BUB1: variants seen among roughly 807,000 people sequenced by gnomAD.
BUB1 encodes the protein mitotic checkpoint serine/threonine-protein kinase BUB1.
Under a neutral mutation model 135.2 loss-of-function variants are expected in BUB1, and 84 were observed. The ratio of observed to expected loss-of-function variants is 0.62; its 90% CI spans 0.52 to 0.74. BUB1 has a LOEUF of 0.74. BUB1 is among the 30% of genes least tolerant of loss of function. The probability of loss-of-function intolerance (pLI) is 0.00; values close to 1 mark genes in which losing one functional copy is unlikely to be tolerated. For missense variants in BUB1, 1,162 were observed against 1,288.3 expected, an observed-to-expected ratio of 0.90 and a Z score of 1.50; for synonymous variants, 403 against 434.4, an observed-to-expected ratio of 0.93 and a Z score of 0.90.
At chr2:110,670,132 T>G (rs1440879328) in intron 5 of BUB1, among the ~76,000 whole-genome samples, 2 of 140,438 alleles carry the variant, frequency 1.4e-5, no homozygotes, top group African/African-American at 2.7e-5. Context: ...ATGGGTTTTT[T>G]TTTTTTTTTT....
At chr2:110,677,902 C>T (rs1690636583) in intron 1 of BUB1, 68 bp downstream of exon 1, 3 of 1,535,306 alleles carry the variant, frequency 2.0e-6, no homozygotes, top group South Asian at 2.4e-5. Context: ...AGGTCTGGGG[C>T]GGGCCGGGCC....
rs191075915 is a variant in BUB1 at position 110,638,402 on chromosome 2, T to C, written c.3063-243A>G. Among the ~76,000 whole-genome samples, 3 of 152,328 alleles carry C rather than the reference T, an allele frequency of 2.0e-5. No individual in the cohort carries two copies. In the East Asian group the frequency reaches 5.8e-4, roughly 29 times the overall value. ...AAGATAAGTAATCTTTTAGCAATAC[T>C]GCAAGTCAAAAAATTTTCTCTCTCT... On this transcript the variant is annotated intron_variant, in intron 24 of 24. Coordinates refer to ENST00000302759, the MANE Select transcript of BUB1 (RefSeq NM_004336.5).
rs1362369787 is a variant in BUB1, at chr2:110,660,231, C to T, written c.1218-195G>A. Among the ~76,000 whole-genome samples, 4 of 152,128 alleles carry T rather than the reference C, an allele frequency of 2.6e-5. 1 individual carries two copies. The highest frequency in any genetic ancestry group is 6.8e-3 in the Middle Eastern group (2 of 294). On this transcript the variant is annotated intron_variant, in intron 10 of 24. Transcript: ENST00000302759. ...TACTAAAAATACAAAAAAACATTAGCGGGGTGTGCTGGCAGGCACCTGTAA... is the reference window on the plus strand; with the variant it reads ...TACTAAAAATACAAAAAAACATTAGTGGGGTGTGCTGGCAGGCACCTGTAA...
At chr2:110,644,392 G>T (rs1445510380) in intron 19 of BUB1, among the ~76,000 whole-genome samples, 1 of 150,042 alleles carries the variant, frequency 6.7e-6, no homozygotes, top group African/African-American at 2.5e-5. Context: ...CAGTAGAATT[G>T]CTTAAACCCT....
intron 15 of BUB1, 33 bp from the exon 16 acceptor site, chr2:110,655,949 C>A: frequency 6.3e-7 from 1 of 1,593,670 alleles, no homozygotes; most frequent in Non-Finnish European, 8.6e-7. Context: ...AAAAAAGCAG[C>A]AATCTCCCTC....
chr2:110,643,505 C>A (rs1689559497), intron 19 of BUB1, among the ~76,000 whole-genome samples: 1 of 152,158 alleles, frequency 6.6e-6, no homozygotes, highest in Non-Finnish European at 1.5e-5. Context: ...CCTTTTAGCT[C>A]ATATATTAGG....
chr2:110,655,814 T>G lies in BUB1; in HGVS notation c.1801A>C (p.Thr601Pro). Residue 601 changes from threonine to proline, a missense_variant, in exon 16 of 25, where the codon ACA becomes CCA. Transcript: ENST00000302759. ...GTAGACGCAAGTTGTGCAGCAGATG[T>G]GAAGTCTCCTGGGCTCTTAGGACTG... ...APSPKSPGDFTSAAQLASTPF... is the reference protein window; with the variant it reads ...APSPKSPGDFPSAAQLASTPF... The G allele has an allele frequency of 6.2e-7, 1 of 1,614,052 alleles. No homozygotes were observed. Among genetic ancestry groups the G allele is most frequent in the Middle Eastern group, 1.6e-4 (1 of 6,062 alleles).
chr2:110,645,362 A>G (rs912030343), intron 19 of BUB1, among the ~76,000 whole-genome samples: 1 of 151,650 alleles, frequency 6.6e-6, no homozygotes, highest in African/African-American at 2.4e-5. Flanking sequence ...TGAACCTGGG[A>G]GGCGGAGGTG....
intron 4 of BUB1, among the ~76,000 whole-genome samples, chr2:110,672,427 T>C (rs1690447661): frequency 6.6e-6 from 1 of 152,166 alleles, no homozygotes. Flanking sequence ...TGTTAAAATA[T>C]ATAAACACAA....
rs372865353 is a variant in BUB1, at chr2:110,655,632, C to T, written c.1876+107G>A. The T allele has an allele frequency of 1.5e-4, 165 of 1,076,546 alleles. No individual in the cohort carries two copies. The African/African-American group carries it at 2.4e-3, about 16-fold the overall frequency. The allele number at this position is 1,076,546 out of a possible 1,614,324, so 66.7% of individuals were successfully genotyped here. ...TTTCTTCTTTATGATTTTCAAAGTTCCCATGTGGAATTTCCATGAAGAAAA... is the reference window on the plus strand; with the variant it reads ...TTTCTTCTTTATGATTTTCAAAGTTTCCATGTGGAATTTCCATGAAGAAAA... On this transcript the variant is annotated intron_variant, in intron 16 of 24. Transcript: ENST00000302759.
Position 110,637,810 on chromosome 2 carries a change from T to A in BUB1, c.*154A>T, listed in dbSNP as rs1401396423. 1.7e-6 allele frequency: 1 copy of A among 600,376 alleles called. No individual in the cohort carries two copies. Among genetic ancestry groups the A allele is most frequent in the Non-Finnish European group, 2.5e-6 (1 of 396,294 alleles). 37.2% of individuals were successfully genotyped at this position (600,376 alleles called of 1,614,324 possible). A position where few individuals can be genotyped will look rare whatever the true frequency, so the allele number is the denominator to read the frequency against. Reference sequence around the variant, plus strand: ...GACCTTATGGGGTTGTATATTTTGTTGAAATATTTATAACAACTAAGTTAC... The same window carrying A: ...GACCTTATGGGGTTGTATATTTTGTAGAAATATTTATAACAACTAAGTTAC... On this transcript the variant is annotated 3_prime_UTR_variant, in exon 25 of 25. Coordinates refer to ENST00000302759, the MANE Select transcript of BUB1 (RefSeq NM_004336.5).
chr2:110,643,820 T>G (rs1689566810), intron 19 of BUB1, among the ~76,000 whole-genome samples: 1 of 152,070 alleles, frequency 6.6e-6, no homozygotes, highest in African/African-American at 2.4e-5. Context: ...TAGAAATTTT[T>G]TTTTTAATTC....
chr2:110,674,059 T>G, intron 3 of BUB1, 27 bp downstream of exon 3: 1 of 1,456,220 alleles, frequency 6.9e-7, no homozygotes, highest in Non-Finnish European at 9.4e-7. Context: ...GATTATAGAT[T>G]TGATTATACA....
intron 4 of BUB1, 104 bp from the exon 5 acceptor site, chr2:110,670,672 A>G: frequency 8.6e-7 from 1 of 1,169,112 alleles, no homozygotes; most frequent in South Asian, 1.4e-5. Flanking sequence ...AAGCTAGTAA[A>G]GTCTGACGTC....
rs547591829 is a variant in BUB1 at position 110,665,882 on chromosome 2, T to A, written c.957+381A>T. On this transcript the variant is annotated intron_variant, in intron 9 of 24. Coordinates refer to ENST00000302759, the MANE Select transcript of BUB1 (RefSeq NM_004336.5). ...GAAAATATATGTGGCTCTAACACACTCATCACTTCTCTGCTTTTCCAAGAT... is the reference window on the plus strand; with the variant it reads ...GAAAATATATGTGGCTCTAACACACACATCACTTCTCTGCTTTTCCAAGAT... 198 of 158,778 alleles carry A rather than the reference T, an allele frequency of 1.2e-3. No individual in the cohort carries two copies. The South Asian group carries it at 0.013, about 10-fold the overall frequency. The allele number at this position is 158,778 out of a possible 1,614,324, so 9.8% of individuals were successfully genotyped here. A position where few individuals can be genotyped will look rare whatever the true frequency, so the allele number is the denominator to read the frequency against.
At chr2:110,668,787 G>A (rs1690338102) in intron 6 of BUB1, among the ~76,000 whole-genome samples, 1 of 152,190 alleles carries the variant, frequency 6.6e-6, no homozygotes, top group Admixed American at 6.5e-5. Flanking sequence ...ATTGGTTGGT[G>A]GCAGAAAACT....
intron 17 of BUB1, among the ~76,000 whole-genome samples, chr2:110,651,218 G>A (rs1689776836): frequency 1.3e-5 from 2 of 152,062 alleles, no homozygotes; most frequent in African/African-American, 4.8e-5. Context: ...GTCATGTGCT[G>A]CATAACAACA....
chr2:110,672,765 C>G lies in BUB1; in HGVS notation c.318G>C (p.Ala106=), dbSNP rs370559107. ...GCTCTCCTTGGGCTTCCAGATGCCCCGCCCAGGCAATGTACAGAGGGGATG... is the reference window on the plus strand; with the variant it reads ...GCTCTCCTTGGGCTTCCAGATGCCCGGCCCAGGCAATGTACAGAGGGGATG... ...TLSSPLYIAW[A]GHLEAQGELQ... The change falls in exon 4 of 25, where the codon GCG becomes GCC. Residue 106 remains alanine, a synonymous_variant. Transcript: ENST00000302759. The G allele has an allele frequency of 3.6e-4, 589 of 1,613,956 alleles. No homozygotes were observed. Among genetic ancestry groups the G allele is most frequent in the Admixed American group, 1.1e-3 (65 of 59,964 alleles).
intron 8 of BUB1, among the ~76,000 whole-genome samples, chr2:110,667,211 A>C (rs1690282376): frequency 1.3e-5 from 2 of 152,334 alleles, no homozygotes; most frequent in Middle Eastern, 3.4e-3. Flanking sequence ...TGGATATCTA[A>C]TTTAGTACTC....
Sources: allele counts gnomAD v4.1 joint callset (sites outside exome capture counted in the v4.1 genomes callset), GRCh38; gene constraint gnomAD v4.1.1; transcripts MANE v1.5; gene names NCBI Gene and HGNC (gene_info 2026-07-23, HGNC 2026-07-21).